The following PDZRN4 variants were observed in gnomAD, a reference collection of about 807,000 sequenced individuals.
The protein encoded by PDZRN4 is PDZ domain containing ring finger 4.
A neutral mutation model predicts 99.0 loss-of-function variants in PDZRN4; 70 were observed. The ratio of observed to expected loss-of-function variants is 0.71; its 90% CI spans 0.58 to 0.86. PDZRN4 has a LOEUF of 0.86. Ranked by LOEUF, PDZRN4 falls within the 40% of genes least tolerant of loss-of-function variation. The probability of loss-of-function intolerance (pLI) is 0.00; values close to 1 mark genes in which losing one functional copy is unlikely to be tolerated. For missense variants in PDZRN4, 1,474 were observed against 1,331.2 expected (o/e 1.11, Z -1.67); for synonymous variants, 551 against 501.6 (o/e 1.10, Z -1.32).
At chr12:41,351,586 G>A (rs1951890794) in intron 3 of PDZRN4, among the ~76,000 whole-genome samples, 1 of 151,926 alleles carries the variant, frequency 6.6e-6, no homozygotes, top group African/African-American at 2.4e-5. Flanking sequence ...AGGAGAGAGA[G>A]AGAACGGGGA....
chr12:41,384,151 C>T (rs1017994378), intron 3 of PDZRN4, among the ~76,000 whole-genome samples: 13 of 151,832 alleles, frequency 8.6e-5, no homozygotes, highest in Non-Finnish European at 1.5e-4. Flanking sequence ...GAGACAGGGC[C>T]TCACTCCCAT....
intron 3 of PDZRN4, among the ~76,000 whole-genome samples, chr12:41,251,276 T>C (rs1416202528): frequency 1.3e-5 from 2 of 152,134 alleles, no homozygotes; most frequent in African/African-American, 4.8e-5. Context: ...CCTCTTCAAT[T>C]AGGGCATGAA....
intron 3 of PDZRN4, among the ~76,000 whole-genome samples, chr12:41,292,492 A>G (rs1001202199): frequency 2.0e-5 from 3 of 152,150 alleles, no homozygotes; most frequent in Non-Finnish European, 2.9e-5. Flanking sequence ...TTACCATTTG[A>G]GGTTTTTTCT....
chr12:41,518,688 T>C (rs546658037), intron 5 of PDZRN4, among the ~76,000 whole-genome samples: 1 of 152,212 alleles, frequency 6.6e-6, no homozygotes, highest in African/African-American at 2.4e-5. Flanking sequence ...ATTTCCTTTA[T>C]TATTATATAA....
intron 3 of PDZRN4, among the ~76,000 whole-genome samples, chr12:41,446,136 C>T (rs191720812): frequency 6.6e-6 from 1 of 152,172 alleles, no homozygotes; most frequent in East Asian, 1.9e-4. Flanking sequence ...CTAATTTGTG[C>T]CATTCTGTAG....
intron 5 of PDZRN4, among the ~76,000 whole-genome samples, chr12:41,532,104 G>A (rs1178956307): frequency 6.6e-6 from 1 of 152,004 alleles, no homozygotes; most frequent in Non-Finnish European, 1.5e-5. Flanking sequence ...ATTTTTTACT[G>A]TGGTTAGAAT....
At chr12:41,452,719 C>T (rs912520832) in intron 3 of PDZRN4, among the ~76,000 whole-genome samples, 1 of 151,988 alleles carries the variant, frequency 6.6e-6, no homozygotes, top group Non-Finnish European at 1.5e-5. Flanking sequence ...TAGAAAACAC[C>T]TCGTCTGTGT....
At position 41,189,116 on chromosome 12, in the gene PDZRN4, G is replaced by A. The variant is rs780502759; in HGVS notation, c.648+13G>A. 1.0e-5 allele frequency: 16 copies of A among 1,575,770 alleles called. No individual in the cohort carries two copies. In the East Asian group the frequency reaches 1.6e-4, roughly 16 times the overall value. On this transcript the variant is annotated intron_variant, in intron 1 of 9. Coordinates refer to ENST00000402685, the MANE Select transcript of PDZRN4 (RefSeq NM_001164595.2). ...CGGCCACCGCAGGGTAAGCAAAGGG[G>A]GGTGGGCACCGCGGGCATGGTCGAT...
intron 3 of PDZRN4, among the ~76,000 whole-genome samples, chr12:41,434,483 C>G (rs1380943367): frequency 6.6e-6 from 1 of 152,134 alleles, no homozygotes; most frequent in East Asian, 1.9e-4. Flanking sequence ...ATTTAATCTT[C>G]AATTATTAGT....
chr12:41,453,816 G>T (rs1297053889), intron 3 of PDZRN4, among the ~76,000 whole-genome samples: 2 of 151,576 alleles, frequency 1.3e-5, no homozygotes, highest in Non-Finnish European at 2.9e-5. Context: ...GATTTAGAGT[G>T]GGGGGTTTCC....
In PDZRN4 at chr12:41,218,733, G is replaced by C. The variant is rs143864272; in HGVS notation, c.843+24545G>C. 5.3e-3 allele frequency among the ~76,000 whole-genome samples: 806 copies of C among 152,158 alleles called. 9 individuals are homozygous for C. Among genetic ancestry groups the C allele is most frequent in the African/African-American group, 0.018 (761 of 41,548 alleles). ...GCAAATATATAACACAAAGATTAAA[G>C]TATGTTCAAATATTTCCTATCCATT... is the stretch of plus-strand genomic sequence containing the variant. On this transcript the variant is annotated intron_variant, in intron 3 of 9. Transcript: ENST00000402685.
At chr12:41,306,660 T>C (rs891970278) in intron 3 of PDZRN4, among the ~76,000 whole-genome samples, 9 of 152,234 alleles carry the variant, frequency 5.9e-5, no homozygotes, top group Non-Finnish European at 1.0e-4. Flanking sequence ...GTTTAAGTTC[T>C]GGTTCCTTTT....
At chr12:41,230,360 G>C (rs551699335) in intron 3 of PDZRN4, among the ~76,000 whole-genome samples, 16 of 152,112 alleles carry the variant, frequency 1.1e-4, no homozygotes. Flanking sequence ...ACTGGAATGT[G>C]TTCAGGCAGG....
chr12:41,565,013 AAACTATGCCACATAGTGGCCATAAT>A (rs1939339355), intron 8 of PDZRN4, among the ~76,000 whole-genome samples: 1 of 152,170 alleles, frequency 6.6e-6, no homozygotes, highest in Non-Finnish European at 1.5e-5. Flanking sequence ...GCATTTCCTT[AAACTATGCCACATAGTGGCCATAAT>A]GGGCTGTAGA....
intron 3 of PDZRN4, among the ~76,000 whole-genome samples, chr12:41,297,466 T>C (rs7295866): frequency 0.74 from 112,192 of 151,996 alleles, 41,710 homozygotes; most frequent in East Asian, 0.86. Context: ...CTTTCACTGG[T>C]GCTGTGACTT....
chr12:41,359,606 G>C (rs889786915), intron 3 of PDZRN4, among the ~76,000 whole-genome samples: 2 of 151,942 alleles, frequency 1.3e-5, no homozygotes, highest in African/African-American at 4.8e-5. Context: ...AGTCTCATGA[G>C]ATCTGATGGT....
intron 3 of PDZRN4, among the ~76,000 whole-genome samples, chr12:41,287,312 A>G (rs935004990): frequency 1.3e-5 from 2 of 152,318 alleles, no homozygotes; most frequent in East Asian, 1.9e-4. Context: ...TGTAAAATGA[A>G]CTAGCTAAAT....
At chr12:41,267,903 A>C (rs77907985) in intron 3 of PDZRN4, among the ~76,000 whole-genome samples, 408 of 152,228 alleles carry the variant, frequency 2.7e-3, no homozygotes, top group Middle Eastern at 6.8e-3. Flanking sequence ...TTGCTCTGTT[A>C]ATCCCTTTCA....
chr12:41,310,344 A>G lies in PDZRN4; in HGVS notation c.843+116156A>G, dbSNP rs374177917. Among the ~76,000 whole-genome samples the G allele has an allele frequency of 4.6e-5, 7 of 152,300 alleles. No homozygotes were observed. The East Asian group carries it at 1.3e-3, about 29-fold the overall frequency. On this transcript the variant is annotated intron_variant, in intron 3 of 9. Coordinates refer to ENST00000402685, the MANE Select transcript of PDZRN4 (RefSeq NM_001164595.2). ...CAATGTCCATTGGGGATTAAAAATA[A>G]TAAAGTGATAGGTTTTACATGATAA...
Sources: gnomAD v4.1 joint callset for allele counts (sites outside exome capture counted in the v4.1 genomes callset) on GRCh38, gnomAD v4.1.1 for gene constraint, MANE v1.5 for transcripts, NCBI Gene and HGNC (gene_info 2026-07-23, HGNC 2026-07-21) for gene names.